The following LARP4 variants were observed in gnomAD, a reference collection of about 807,000 sequenced individuals.
LARP4 encodes La ribonucleoprotein 4, also known as la-related protein 4.
In LARP4, 29 loss-of-function variants were observed where a neutral mutation model predicts 92.9. The observed-to-expected ratio is 0.31, with a 90% confidence interval of 0.23 to 0.43. LARP4 has a LOEUF of 0.43. Ranked by LOEUF, LARP4 falls within the 20% of genes least tolerant of loss-of-function variation. The pLI, the probability that LARP4 is intolerant of heterozygous loss-of-function variation, is 1.00. For synonymous variants in LARP4, 279 were observed against 284.1 expected, an observed-to-expected ratio of 0.98 and a Z score of 0.18; for missense variants, 732 against 860.0, an observed-to-expected ratio of 0.85 and a Z score of 1.86.
chr12:50,446,003 CTTTTTTTTTTT>C, intron 8 of LARP4, among the ~76,000 whole-genome samples: 1 of 126,956 alleles, frequency 7.9e-6, no homozygotes, highest in East Asian at 2.3e-4. Flanking sequence ...TTTCTTTTTT[CTTTTTTTTTTT>C]TTTTTTGAGA....
intron 4 of LARP4, among the ~76,000 whole-genome samples, chr12:50,431,614 A>G (rs371972869): frequency 6.6e-5 from 10 of 152,262 alleles, no homozygotes; most frequent in African/African-American, 2.2e-4. Flanking sequence ...TGGGAGGGCA[A>G]GGTGGGCAGA....
chr12:50,459,214 G>A (rs1310366811), intron 10 of LARP4, among the ~76,000 whole-genome samples: 1 of 152,120 alleles, frequency 6.6e-6, no homozygotes, highest in Non-Finnish European at 1.5e-5. Flanking sequence ...AGCCAGGCTG[G>A]TCTAGAACTC....
At chr12:50,475,492 A>G (rs776091560) in intron 15 of LARP4, 34 bp from the exon 16 acceptor site, 12 of 1,465,736 alleles carry the variant, frequency 8.2e-6, no homozygotes, top group Admixed American at 6.2e-5. Context: ...AAGAATGTGT[A>G]CCATAAATGT....
chr12:50,401,116 GGCCGTACAC>G, intron 1 of LARP4, 88 bp downstream of exon 1: 2 of 1,475,814 alleles, frequency 1.4e-6, no homozygotes, highest in South Asian at 1.1e-5. Flanking sequence ...TGACTTTCCG[GGCCGTACAC>G]GCCGCGGAAC....
intron 1 of LARP4, among the ~76,000 whole-genome samples, chr12:50,426,323 A>G (rs147004946): frequency 1.3e-5 from 2 of 152,326 alleles, no homozygotes; most frequent in African/African-American, 2.4e-5. Flanking sequence ...TAGGGCGTAC[A>G]TATGAATAGC....
chr12:50,473,638 G>C, intron 14 of LARP4, 102 bp downstream of exon 14: 1 of 1,245,134 alleles, frequency 8.0e-7, no homozygotes, highest in Non-Finnish European at 1.1e-6. Context: ...GGCCGAGGCA[G>C]GTGAATCACC....
At chr12:50,408,449 G>A (rs1281513229) in intron 1 of LARP4, among the ~76,000 whole-genome samples, 7 of 151,866 alleles carry the variant, frequency 4.6e-5, no homozygotes, top group South Asian at 4.1e-4. Flanking sequence ...CGCCCTCCTC[G>A]GCCTCCCAAA....
In LARP4 at chr12:50,479,402, T is replaced by C. The variant is rs1439474490; in HGVS notation, c.*3538T>C. On this transcript the variant is annotated 3_prime_UTR_variant, in exon 16 of 16. Coordinates refer to ENST00000398473, the MANE Select transcript of LARP4 (RefSeq NM_052879.5). ...TTTTTTCCTAATTTTTTATATTTCC[T>C]TACAATTTTGGTGGCCATTAATTTA... 1 of 152,188 alleles carries C rather than the reference T, an allele frequency of 6.6e-6. No individual in the cohort carries two copies. 9.4% of individuals were successfully genotyped at this position (152,188 alleles called of 1,614,324 possible).
intron 1 of LARP4, among the ~76,000 whole-genome samples, chr12:50,426,957 C>T (rs923628701): frequency 9.2e-5 from 14 of 151,806 alleles, no homozygotes; most frequent in Admixed American, 9.2e-4. Context: ...AGGCTGGTCT[C>T]GAACTCATGA....
intron 4 of LARP4, among the ~76,000 whole-genome samples, chr12:50,432,249 A>C (rs1178459633): frequency 1.3e-5 from 2 of 152,206 alleles, no homozygotes; most frequent in African/African-American, 4.8e-5. Context: ...CATTACATAC[A>C]ACAGAACCAT....
chr12:50,432,769 A>G (rs1949844027), intron 4 of LARP4, among the ~76,000 whole-genome samples: 1 of 151,560 alleles, frequency 6.6e-6, no homozygotes, highest in Non-Finnish European at 1.5e-5. Flanking sequence ...CTGAGGCAGG[A>G]GAATCGCTTG....
At chr12:50,470,135 G>T (rs1389471347) in intron 13 of LARP4, among the ~76,000 whole-genome samples, 3 of 151,576 alleles carry the variant, frequency 2.0e-5, no homozygotes, top group Non-Finnish European at 2.9e-5. Context: ...GAGACAAGAG[G>T]ATTGCTTCAG....
intron 1 of LARP4, chr12:50,412,505 T>G: frequency 1.4e-6 from 1 of 734,832 alleles, no homozygotes; most frequent in South Asian, 6.2e-5. Context: ...TTACCATATT[T>G]ATGGTGATTT....
chr12:50,463,677 G>C (rs1955768840), intron 12 of LARP4, among the ~76,000 whole-genome samples: 1 of 152,306 alleles, frequency 6.6e-6, no homozygotes, highest in Admixed American at 6.5e-5. Context: ...GCCTTAGGCA[G>C]CTCCACCCCT....
chr12:50,405,188 C>T lies in LARP4; in HGVS notation c.18+4160C>T, dbSNP rs528240080. 5.3e-5 allele frequency among the ~76,000 whole-genome samples: 8 copies of T among 152,178 alleles called. 1 individual carries two copies. In the East Asian group the frequency reaches 1.2e-3, roughly 22 times the overall value. On this transcript the variant is annotated intron_variant, in intron 1 of 15. Coordinates refer to ENST00000398473, the MANE Select transcript of LARP4 (RefSeq NM_052879.5). ...TGCTGGGATTATAGGCGTGAGCCACCGCGCCTGGCAGATTTTTTTTCCACC... is the reference window on the plus strand; with the variant it reads ...TGCTGGGATTATAGGCGTGAGCCACTGCGCCTGGCAGATTTTTTTTCCACC...
At chr12:50,424,498 A>G (rs539873298) in intron 1 of LARP4, among the ~76,000 whole-genome samples, 27 of 151,826 alleles carry the variant, frequency 1.8e-4, no homozygotes, top group African/African-American at 6.5e-4. Flanking sequence ...AGCTGGGATT[A>G]CAGGCATGTA....
At chr12:50,453,329 C>T in intron 8 of LARP4, 131 bp from the exon 9 acceptor site, 5 of 527,828 alleles carry the variant, frequency 9.5e-6, no homozygotes, top group South Asian at 3.4e-5. Flanking sequence ...ATTTTCTTTT[C>T]TTTTGCTCTA....
intron 1 of LARP4, chr12:50,402,825 T>C: frequency 2.2e-6 from 1 of 454,778 alleles, no homozygotes; most frequent in South Asian, 1.6e-5. Context: ...TTAGACAAAT[T>C]CTATCGTATC....
At chr12:50,445,500 T>C (rs947594078) in intron 8 of LARP4, among the ~76,000 whole-genome samples, 4 of 152,196 alleles carry the variant, frequency 2.6e-5, no homozygotes, top group African/African-American at 4.8e-5. Context: ...TTGGGGAATT[T>C]CCAAATACTT....
Sources: gnomAD v4.1 joint callset for allele counts (sites outside exome capture counted in the v4.1 genomes callset) on GRCh38, gnomAD v4.1.1 for gene constraint, MANE v1.5 for transcripts, NCBI Gene and HGNC (gene_info 2026-07-23, HGNC 2026-07-21) for gene names.